MAPKAPK5: variants seen among roughly 807,000 people sequenced by gnomAD.
MAPKAPK5 encodes MAPK activated protein kinase 5, also known as MAP kinase-activated protein kinase 5.
Under a neutral mutation model 65.1 loss-of-function variants are expected in MAPKAPK5, and 30 were observed. The ratio of observed to expected loss-of-function variants is 0.46; its 90% confidence interval spans 0.34 to 0.63. MAPKAPK5 has a LOEUF of 0.63. MAPKAPK5 is among the 20% of genes least tolerant of loss of function. MAPKAPK5 has a pLI of 0.01. For missense variants in MAPKAPK5, 433 were observed against 581.4 expected, an observed-to-expected ratio of 0.74 and a Z score of 2.63; for synonymous variants, 179 against 204.6, an observed-to-expected ratio of 0.87 and a Z score of 1.07.
In MAPKAPK5 at chr12:111,895,503, T is replaced by C. The variant is rs1365994419; in HGVS notation, c.*2442T>C. The C allele has an allele frequency of 1.3e-5, 2 of 150,866 alleles. No homozygotes were observed. Among genetic ancestry groups the C allele is most frequent in the Admixed American group, 6.6e-5 (1 of 15,118 alleles). 9.3% of individuals were successfully genotyped at this position (150,866 alleles called of 1,614,324 possible). ...TGATAACTGTTATAAATGGATTTCC[T>C]GTAAGGAGAATATGTCTCCCCCCCA... On this transcript the variant is annotated 3_prime_UTR_variant, in exon 14 of 14. Coordinates refer to ENST00000550735, the MANE Select transcript of MAPKAPK5 (RefSeq NM_003668.4).
intron 10 of MAPKAPK5, chr12:111,888,166 G>C (rs2070475189): frequency 3.8e-6 from 1 of 261,568 alleles, no homozygotes; most frequent in African/African-American, 2.3e-5. Flanking sequence ...CCTTTCCGCT[G>C]ATGTCCATAT....
At chr12:111,842,889 C>A in intron 1 of MAPKAPK5, 120 bp downstream of exon 1, 3 of 1,010,484 alleles carry the variant, frequency 3.0e-6, no homozygotes, top group Non-Finnish European at 3.9e-6. Flanking sequence ...GTTTCGGCCT[C>A]CCCCGGATTC....
chr12:111,862,034 A>C (rs2069455866), intron 1 of MAPKAPK5, among the ~76,000 whole-genome samples: 1 of 152,218 alleles, frequency 6.6e-6, no homozygotes, highest in African/African-American at 2.4e-5. Flanking sequence ...TTGAAGAATT[A>C]GTCCATAATT....
intron 13 of MAPKAPK5, among the ~76,000 whole-genome samples, chr12:111,891,637 C>CAAAAA (rs78504500): frequency 2.3e-5 from 2 of 86,220 alleles, no homozygotes; most frequent in African/African-American, 8.1e-5. Context: ...ACTAAAAATA[C>CAAAAA]AAAAAAAAAA....
At chr12:111,868,242 G>C (rs1340029211) in intron 4 of MAPKAPK5, among the ~76,000 whole-genome samples, 1 of 152,014 alleles carries the variant, frequency 6.6e-6, no homozygotes, top group Non-Finnish European at 1.5e-5. Context: ...GTTTTTTTGG[G>C]GAAGACTGAG....
At chr12:111,871,939 G>A (rs920992335) in intron 7 of MAPKAPK5, among the ~76,000 whole-genome samples, 5 of 152,306 alleles carry the variant, frequency 3.3e-5, no homozygotes, top group East Asian at 1.9e-4. Flanking sequence ...AAATGTAATC[G>A]TGGACTTTGT....
intron 1 of MAPKAPK5, among the ~76,000 whole-genome samples, chr12:111,857,584 A>G (rs753414367): frequency 1.1e-4 from 17 of 152,162 alleles, no homozygotes; most frequent in Non-Finnish European, 2.1e-4. Context: ...TAGCATTGCC[A>G]TTCTCTCCAA....
intron 7 of MAPKAPK5, among the ~76,000 whole-genome samples, chr12:111,876,467 TAAAA>T (rs1025756043): frequency 1.1e-4 from 16 of 145,546 alleles, no homozygotes; most frequent in African/African-American, 3.5e-4. Flanking sequence ...AAATAAAAGT[TAAAA>T]AAAAAAAGTC....
chr12:111,865,677 G>A (rs2879604), intron 2 of MAPKAPK5, among the ~76,000 whole-genome samples: 29,486 of 151,210 alleles, frequency 0.2, 3,074 homozygotes, highest in Middle Eastern at 0.27. Context: ...CTCTCCTAAA[G>A]ATACAAAAAT....
chr12:111,874,230 A>G (rs953507955), intron 7 of MAPKAPK5, among the ~76,000 whole-genome samples: 6 of 151,732 alleles, frequency 4.0e-5, no homozygotes, highest in Non-Finnish European at 5.9e-5. Flanking sequence ...CCCCATCTTT[A>G]CTAAAAATAC....
chr12:111,857,658 T>G (rs2069288597), intron 1 of MAPKAPK5, among the ~76,000 whole-genome samples: 2 of 152,200 alleles, frequency 1.3e-5, no homozygotes, highest in African/African-American at 4.8e-5. Flanking sequence ...CAGTGTTTAT[T>G]TATTTGATAA....
intron 7 of MAPKAPK5, among the ~76,000 whole-genome samples, chr12:111,874,025 A>G (rs749230197): frequency 1.3e-5 from 2 of 152,200 alleles, no homozygotes; most frequent in Non-Finnish European, 2.9e-5. Context: ...TATGCTTCTT[A>G]ATGTTACAGG....
intron 7 of MAPKAPK5, among the ~76,000 whole-genome samples, chr12:111,875,183 C>G (rs1488538055): frequency 6.6e-6 from 1 of 151,254 alleles, no homozygotes; most frequent in African/African-American, 2.4e-5. Context: ...TCTTTTTTTT[C>G]TTTTTCTTTT....
chr12:111,870,312 G>A lies in MAPKAPK5; in HGVS notation c.435G>A (p.Ala145=), dbSNP rs756646844. ...GGCACTGTCACTTGTTAAACATTGC[G>A]CACAGAGACCTCAAGCCTGAAAATC... ...ALRHCHLLNI[A]HRDLKPENLL... is the part of the protein sequence containing the mutation. The change falls in exon 6 of 14, where the codon GCG becomes GCA. Residue 145 remains alanine, a synonymous_variant. Coordinates refer to ENST00000550735, the MANE Select transcript of MAPKAPK5 (RefSeq NM_003668.4). 10 of 1,610,008 alleles carry A rather than the reference G, an allele frequency of 6.2e-6. No homozygotes were observed. The highest frequency in any genetic ancestry group is 1.1e-5 in the South Asian group (1 of 90,878).
intron 1 of MAPKAPK5, among the ~76,000 whole-genome samples, chr12:111,847,050 T>C (rs1042132694): frequency 7.9e-5 from 12 of 151,928 alleles, no homozygotes; most frequent in Admixed American, 2.6e-4. Flanking sequence ...TTAAAAACTT[T>C]AGGATAAGGG....
chr12:111,880,926 CA>C (rs2070183822), intron 8 of MAPKAPK5, among the ~76,000 whole-genome samples: 1 of 152,164 alleles, frequency 6.6e-6, no homozygotes, highest in African/African-American at 2.4e-5. Flanking sequence ...TTCTGAGACA[CA>C]GACGCTAGAG....
At chr12:111,875,303 G>A (rs1052167479) in intron 7 of MAPKAPK5, among the ~76,000 whole-genome samples, 1 of 151,986 alleles carries the variant, frequency 6.6e-6, no homozygotes, top group Admixed American at 6.5e-5. Context: ...TTTTGTTGTT[G>A]CTATCGTTGT....
At chr12:111,867,548 T>A in intron 3 of MAPKAPK5, 24 bp from the exon 4 acceptor site, 1 of 1,576,642 alleles carries the variant, frequency 6.3e-7, no homozygotes, top group South Asian at 1.1e-5. Context: ...TACCTATTGA[T>A]ACATTTCCTC....
intron 1 of MAPKAPK5, among the ~76,000 whole-genome samples, chr12:111,858,152 C>A (rs2069306295): frequency 6.6e-6 from 1 of 152,014 alleles, no homozygotes; most frequent in African/African-American, 2.4e-5. Flanking sequence ...TGATCCTCAC[C>A]CTGCAGCCTC....
Sources: allele counts gnomAD v4.1 joint callset (sites outside exome capture counted in the v4.1 genomes callset), GRCh38; gene constraint gnomAD v4.1.1; transcripts MANE v1.5; gene names NCBI Gene and HGNC (gene_info 2026-07-23, HGNC 2026-07-21).